Variants in AP3M1 observed in about 807,000 individuals in gnomAD.
The protein encoded by AP3M1 is adaptor related protein complex 3 subunit mu 1, also known as AP-3 complex subunit mu-1.
AP3M1 carries 29 observed loss-of-function variants against 42.6 expected under a neutral mutation model. The observed-to-expected ratio is 0.68, with a 90% CI of 0.51 to 0.93. The LOEUF (loss-of-function observed/expected upper bound fraction) is 0.93, where lower values mean the gene tolerates loss of function less well. AP3M1 is among the 40% of genes least tolerant of loss of function. AP3M1 has a pLI of 0.00. For synonymous variants in AP3M1, 178 were observed against 175.3 expected (o/e 1.02, Z -0.12); for missense variants, 416 against 510.2 (o/e 0.82, Z 1.78).
chr10:74,127,154 C>T (rs1409640707), intron 6 of AP3M1, among the ~76,000 whole-genome samples: 1 of 151,884 alleles, frequency 6.6e-6, no homozygotes, highest in Non-Finnish European at 1.5e-5. Flanking sequence ...AATACTACAC[C>T]ATTTTATGTA....
chr10:74,130,161 T>C (rs1197658424), intron 4 of AP3M1, among the ~76,000 whole-genome samples, 169 bp from the exon 5 acceptor site: 2 of 152,134 alleles, frequency 1.3e-5, no homozygotes, highest in Non-Finnish European at 2.9e-5. Context: ...GCCTCACTCC[T>C]GGGCTCAAGT....
Position 74,122,725 on chromosome 10 carries a change from G to A in AP3M1, c.*1085C>T, listed in dbSNP as rs925770932. ...GGAAGAAATCTATGACTATAGCTTTGGGAAGCACACAATATGAAAAGGGAA... is the reference window on the plus strand; with the variant it reads ...GGAAGAAATCTATGACTATAGCTTTAGGAAGCACACAATATGAAAAGGGAA... On this transcript the variant is annotated 3_prime_UTR_variant, in exon 9 of 9. Transcript: ENST00000355264. 2.0e-5 allele frequency: 3 copies of A among 152,104 alleles called. No homozygotes were observed. Among genetic ancestry groups the A allele is most frequent in the African/African-American group, 7.2e-5 (3 of 41,406 alleles). The allele number at this position is 152,104 out of a possible 1,614,324, so 9.4% of individuals were successfully genotyped here.
chr10:74,146,677 C>G (rs946898406), intron 1 of AP3M1, among the ~76,000 whole-genome samples: 1 of 152,056 alleles, frequency 6.6e-6, no homozygotes, highest in Non-Finnish European at 1.5e-5. Context: ...CCTTCTGGTG[C>G]TTTAGAGAAG....
At chr10:74,149,925 A>G (rs1387915649) in intron 1 of AP3M1, among the ~76,000 whole-genome samples, 1 of 152,152 alleles carries the variant, frequency 6.6e-6, no homozygotes. Context: ...ATCTCTCTCA[A>G]ACAGCTCAAT....
intron 2 of AP3M1, 119 bp from the exon 3 acceptor site, chr10:74,136,922 A>T (rs1840966508): frequency 4.6e-6 from 3 of 655,072 alleles, no homozygotes; most frequent in Non-Finnish European, 6.9e-6. Context: ...GCTGCTGAAC[A>T]TATATAAAAC....
At chr10:74,124,637 GAAAA>G in intron 7 of AP3M1, 113 bp from the exon 8 acceptor site, 2 of 846,560 alleles carry the variant, frequency 2.4e-6, no homozygotes, top group Non-Finnish European at 3.5e-6. Flanking sequence ...GCAGTCTCTT[GAAAA>G]CAAGAGATCT....
intron 1 of AP3M1, among the ~76,000 whole-genome samples, chr10:74,147,593 G>A (rs796579860): frequency 2.8e-4 from 43 of 152,286 alleles, no homozygotes; most frequent in African/African-American, 1.0e-3. Context: ...TATTGTATTT[G>A]TGCTTTACAC....
At position 74,122,873 on chromosome 10, in the gene AP3M1, G is replaced by A. The variant is rs1329736851; in HGVS notation, c.*937C>T. ...TCCTCCTTTTGCTGAACTGGGGCAT[G>A]AGGCATTTAGGTTAACCATGGCTTA... On this transcript the variant is annotated 3_prime_UTR_variant, in exon 9 of 9. Coordinates refer to ENST00000355264, the MANE Select transcript of AP3M1 (RefSeq NM_012095.6). The A allele has an allele frequency of 6.6e-6, 1 of 152,220 alleles. No homozygotes were observed. Among genetic ancestry groups the A allele is most frequent in the African/African-American group, 2.4e-5 (1 of 41,450 alleles). 9.4% of individuals were successfully genotyped at this position (152,220 alleles called of 1,614,324 possible).
chr10:74,149,577 C>T (rs1451809320), intron 1 of AP3M1, among the ~76,000 whole-genome samples: 2 of 152,088 alleles, frequency 1.3e-5, no homozygotes, highest in Admixed American at 6.6e-5. Flanking sequence ...CGTGAGCCAC[C>T]GCGCCTGGCC....
chr10:74,136,440 A>G (rs1840946217), intron 3 of AP3M1, among the ~76,000 whole-genome samples, 192 bp downstream of exon 3: 2 of 152,156 alleles, frequency 1.3e-5, no homozygotes, highest in Non-Finnish European at 2.9e-5. Flanking sequence ...TAATAACCAA[A>G]AGTTCTTTAT....
intron 6 of AP3M1, among the ~76,000 whole-genome samples, chr10:74,127,872 G>T (rs1376282237): frequency 6.6e-6 from 1 of 151,896 alleles, no homozygotes; most frequent in Non-Finnish European, 1.5e-5. Context: ...AGGCTGAGGT[G>T]GGCAGATCAC....
chr10:74,131,392 C>G (rs994813546), intron 4 of AP3M1, among the ~76,000 whole-genome samples: 17 of 151,986 alleles, frequency 1.1e-4, no homozygotes, highest in African/African-American at 4.1e-4. Context: ...TGGTCTGGAT[C>G]TCCTAACCTC....
intron 7 of AP3M1, 101 bp downstream of exon 7, chr10:74,126,047 A>T: frequency 8.1e-7 from 1 of 1,232,380 alleles, no homozygotes; most frequent in Non-Finnish European, 1.2e-6. Context: ...TACGAACTTT[A>T]GTTTTAAACA....
chr10:74,123,562 G>A lies in AP3M1; in HGVS notation c.*248C>T. The A allele has an allele frequency of 1.9e-6, 1 of 521,022 alleles. No individual in the cohort carries two copies. Among genetic ancestry groups the A allele is most frequent in the South Asian group, 2.5e-5 (1 of 40,178 alleles). 32.3% of individuals were successfully genotyped at this position (521,022 alleles called of 1,614,324 possible). ...CAGCCGCCAGATGGTATCCTCCTATGGAAAAAAATCACCTCCAAAATCTTC... is the reference window on the plus strand; with the variant it reads ...CAGCCGCCAGATGGTATCCTCCTATAGAAAAAAATCACCTCCAAAATCTTC... On this transcript the variant is annotated 3_prime_UTR_variant, in exon 9 of 9. Coordinates refer to ENST00000355264, the MANE Select transcript of AP3M1 (RefSeq NM_012095.6).
At chr10:74,133,480 G>C (rs750635061) in intron 4 of AP3M1, among the ~76,000 whole-genome samples, 1 of 151,820 alleles carries the variant, frequency 6.6e-6, no homozygotes, top group Non-Finnish European at 1.5e-5. Context: ...AGGATCGCTT[G>C]AATCCAGGAG....
At chr10:74,133,857 T>C (rs1177484034) in intron 4 of AP3M1, among the ~76,000 whole-genome samples, 170 bp downstream of exon 4, 5 of 152,012 alleles carry the variant, frequency 3.3e-5, no homozygotes, top group African/African-American at 9.7e-5. Flanking sequence ...AGTTTCACCA[T>C]GTTGGCCAGG....
chr10:74,133,669 CT>C (rs111439833), intron 4 of AP3M1, among the ~76,000 whole-genome samples: 270 of 142,858 alleles, frequency 1.9e-3, no homozygotes, highest in Admixed American at 2.3e-3. Flanking sequence ...CTTTCTTCTT[CT>C]TTTTTTTTTT....
At chr10:74,134,204 A>G (rs754157302) in intron 3 of AP3M1, 40 bp from the exon 4 acceptor site, 1 of 1,563,422 alleles carries the variant, frequency 6.4e-7, no homozygotes, top group Non-Finnish European at 8.7e-7. Flanking sequence ...TGATGTATAA[A>G]ACAGTCATGA....
At chr10:74,141,540 G>A (rs184298901) in intron 1 of AP3M1, among the ~76,000 whole-genome samples, 213 of 152,136 alleles carry the variant, frequency 1.4e-3, no homozygotes, top group Admixed American at 2.0e-3. Context: ...ATACGATGTT[G>A]AATAAATGAA....
Sources: gnomAD v4.1 joint callset for allele counts (sites outside exome capture counted in the v4.1 genomes callset) on GRCh38, gnomAD v4.1.1 for gene constraint, MANE v1.5 for transcripts, NCBI Gene and HGNC (gene_info 2026-07-23, HGNC 2026-07-21) for gene names.